Variants in SULT1E1 observed in about 807,000 individuals in gnomAD.
The protein encoded by SULT1E1 is sulfotransferase 1E1.
In SULT1E1, 36 loss-of-function variants were observed where a neutral mutation model predicts 33.6. The observed-to-expected ratio is 1.07, with a 90% CI of 0.82 to 1.41. The LOEUF is 1.41. Ranked by LOEUF, SULT1E1 falls within the 40% of genes most tolerant of loss-of-function variation. The pLI is 0.00. For missense variants in SULT1E1, 371 were observed against 345.7 expected (o/e 1.07, Z -0.58); for synonymous variants, 121 against 111.7 (o/e 1.08, Z -0.53).
the SULT1E1 span, among the ~76,000 whole-genome samples, chr4:69,824,707 C>G: frequency 1.3e-5 from 2 of 150,832 alleles, no homozygotes; most frequent in African/African-American, 5.0e-5. Context: ...CTGTAAAGCA[C>G]ACTAATCAGC....
At chr4:69,837,089 A>G (rs1261878119), downstream of SULT1E1, among the ~76,000 whole-genome samples, 4 of 13,602 alleles carry the variant, frequency 2.9e-4, no homozygotes, top group East Asian at 3.2e-3. Flanking sequence ...CCTGTCTCAA[A>G]AAAAAAAAAA....
chr4:69,821,244 T>G, the SULT1E1 span, among the ~76,000 whole-genome samples: 1 of 152,174 alleles, frequency 6.6e-6, no homozygotes. Flanking sequence ...TGCAAAACTA[T>G]CCTACGTTTT....
chr4:69,824,181 C>T, the SULT1E1 span, among the ~76,000 whole-genome samples: 1 of 152,124 alleles, frequency 6.6e-6, no homozygotes, highest in Non-Finnish European at 1.5e-5. Context: ...CAGTTGCTGT[C>T]CTAAAGTCAG....
chr4:69,841,597 T>C lies in SULT1E1; in HGVS notation c.*397A>G, dbSNP rs1720886755. 1 of 157,976 alleles carries C rather than the reference T, an allele frequency of 6.3e-6. No homozygotes were observed. The highest frequency in any genetic ancestry group is 6.5e-5 in the Admixed American group (1 of 15,362). The allele number at this position is 157,976 out of a possible 1,614,324, so 9.8% of individuals were successfully genotyped here. Reference sequence around the variant, plus strand: ...AGTTGAGCATGGTGGTGTGTGCCTGTTGTTGCAGCTACTTGGGAAGCTTGA... The same window carrying C: ...AGTTGAGCATGGTGGTGTGTGCCTGCTGTTGCAGCTACTTGGGAAGCTTGA... On this transcript the variant is annotated 3_prime_UTR_variant, in exon 8 of 8. Coordinates refer to ENST00000226444, the MANE Select transcript of SULT1E1 (RefSeq NM_005420.3).
At chr4:69,825,002 A>T in the SULT1E1 span, among the ~76,000 whole-genome samples, 1 of 152,202 alleles carries the variant, frequency 6.6e-6, no homozygotes, top group Admixed American at 6.5e-5. Context: ...TTCACTGTGA[A>T]GGTCTGCAGC....
chr4:69,847,815 T>G (rs1457129038), intron 5 of SULT1E1, 23 bp from the exon 6 acceptor site: 3 of 1,514,648 alleles, frequency 2.0e-6, no homozygotes, highest in Admixed American at 3.5e-5. Context: ...AGAAAAACAG[T>G]GTAAAAGTGG....
the SULT1E1 span, among the ~76,000 whole-genome samples, chr4:69,828,232 G>C: frequency 6.6e-6 from 1 of 152,148 alleles, no homozygotes; most frequent in South Asian, 2.1e-4. Flanking sequence ...AGCCAGCAGC[G>C]GCAACCCACT....
At position 69,854,201 on chromosome 4, in the gene SULT1E1, A is replaced by C. The variant is rs1721184201; in HGVS notation, c.369+16T>G. 6.3e-6 allele frequency: 10 copies of C among 1,598,610 alleles called. No individual in the cohort carries two copies. The highest frequency in any genetic ancestry group is 1.3e-5 in the African/African-American group (1 of 74,548). On this transcript the variant is annotated intron_variant, in intron 4 of 7. Transcript: ENST00000226444. ...TGGAATTGGATGAAGTTTTGAGAAC[A>C]CTTGACTCTGGTTACCTTACAATCC... is the stretch of plus-strand genomic sequence containing the variant.
At chr4:69,845,423 A>G (rs549899438) in intron 6 of SULT1E1, among the ~76,000 whole-genome samples, 30 of 151,714 alleles carry the variant, frequency 2.0e-4, no homozygotes, top group Middle Eastern at 6.8e-3. Context: ...TACACCTACT[A>G]TGTACCCATA....
chr4:69,834,182 C>T, the SULT1E1 span, among the ~76,000 whole-genome samples: 1 of 152,120 alleles, frequency 6.6e-6, no homozygotes, highest in African/African-American at 2.4e-5. Flanking sequence ...TCTCCTATAT[C>T]CACTTCTACA....
intron 6 of SULT1E1, among the ~76,000 whole-genome samples, chr4:69,845,962 T>A (rs953440201): frequency 2.1e-4 from 31 of 150,730 alleles, no homozygotes; most frequent in Non-Finnish European, 1.6e-4. Context: ...TTATTTTAAA[T>A]AAATGCTCAC....
At chr4:69,833,248 A>G in the SULT1E1 span, among the ~76,000 whole-genome samples, 1 of 152,182 alleles carries the variant, frequency 6.6e-6, no homozygotes, top group Non-Finnish European at 1.5e-5. Flanking sequence ...GAGGATTAAA[A>G]TGTAATAATA....
downstream of SULT1E1, among the ~76,000 whole-genome samples, chr4:69,838,038 C>T (rs1180686243): frequency 6.6e-6 from 1 of 152,046 alleles, no homozygotes; most frequent in Non-Finnish European, 1.5e-5. Flanking sequence ...ATGGCCATTC[C>T]TTCTAAATTG....
At chr4:69,831,497 C>T in the SULT1E1 span, among the ~76,000 whole-genome samples, 1 of 152,178 alleles carries the variant, frequency 6.6e-6, no homozygotes. Flanking sequence ...TCTATAATAT[C>T]CTCGGCCAGC....
chr4:69,829,984 G>A, the SULT1E1 span, among the ~76,000 whole-genome samples: 57 of 152,248 alleles, frequency 3.7e-4, 1 homozygote, highest in Admixed American at 8.5e-4. Context: ...GTTAGTCCTG[G>A]GTGTGGTATC....
intron 3 of SULT1E1, among the ~76,000 whole-genome samples, 180 bp from the exon 4 acceptor site, chr4:69,854,494 T>C (rs1413725689): frequency 6.6e-6 from 1 of 152,092 alleles, no homozygotes; most frequent in Non-Finnish European, 1.5e-5. Flanking sequence ...GTGTAATTAT[T>C]ATGCATTGCA....
At chr4:69,854,691 T>C (rs1398163294) in intron 3 of SULT1E1, among the ~76,000 whole-genome samples, 5 of 151,974 alleles carry the variant, frequency 3.3e-5, no homozygotes, top group Non-Finnish European at 7.4e-5. Context: ...CTGAGAGATA[T>C]CATTCATATT....
chr4:69,841,309 T>C lies in SULT1E1; in HGVS notation c.*685A>G, dbSNP rs1196375272. On this transcript the variant is annotated 3_prime_UTR_variant, in exon 8 of 8. Coordinates refer to ENST00000226444, the MANE Select transcript of SULT1E1 (RefSeq NM_005420.3). Reference sequence around the variant, plus strand: ...ATAGGTTATAGTTGTGCATGATATTTATAAAAAATAGAAAAGAAGAAGAGG... The same window carrying C: ...ATAGGTTATAGTTGTGCATGATATTCATAAAAAATAGAAAAGAAGAAGAGG... The C allele has an allele frequency of 6.6e-6, 1 of 152,150 alleles. No individual in the cohort carries two copies. Among genetic ancestry groups the C allele is most frequent in the African/African-American group, 2.4e-5 (1 of 41,496 alleles). 9.4% of individuals were successfully genotyped at this position (152,150 alleles called of 1,614,324 possible). A position where few individuals can be genotyped will look rare whatever the true frequency, so the allele number is the denominator to read the frequency against.
chr4:69,837,873 T>C (rs1407949236), downstream of SULT1E1, among the ~76,000 whole-genome samples: 3 of 152,154 alleles, frequency 2.0e-5, no homozygotes, highest in Middle Eastern at 3.2e-3. Context: ...CATTACTAGG[T>C]GTCTTTTTTA....
Sources: gnomAD v4.1 joint callset for allele counts (sites outside exome capture counted in the v4.1 genomes callset) on GRCh38, gnomAD v4.1.1 for gene constraint, MANE v1.5 for transcripts, NCBI Gene and HGNC (gene_info 2026-07-23, HGNC 2026-07-21) for gene names.